BNC2: variants seen among roughly 807,000 people sequenced by gnomAD.
The protein encoded by BNC2 is basonuclin zinc finger protein 2, also known as zinc finger protein basonuclin-2.
BNC2 carries 20 observed loss-of-function variants against 76.3 expected under a neutral mutation model. That is an observed-to-expected ratio of 0.26 (90% CI 0.18 to 0.38). BNC2 has a LOEUF of 0.38. Among genes scored for constraint, BNC2 ranks in the 10% least tolerant of loss-of-function variants. BNC2 has a pLI of 1.00. For synonymous variants in BNC2, 582 were observed against 514.8 expected (o/e 1.13, Z -1.77); for missense variants, 1,382 against 1,399.8 (o/e 0.99, Z 0.20).
Position 16,624,659 on chromosome 9 carries a change from C to T in BNC2, c.331-41574G>A, listed in dbSNP as rs187458507. Among the ~76,000 whole-genome samples the T allele has an allele frequency of 2.2e-3, 336 of 152,218 alleles. 2 individuals are homozygous for T. The highest frequency in any genetic ancestry group is 7.7e-3 in the African/African-American group (319 of 41,522). ...TTTTCCAAGCATGGAATCAGAATAC[C>T]TCACTTGTAGAAAGTTACATCAGTG... On this transcript the variant is annotated intron_variant, in intron 3 of 6. Coordinates refer to ENST00000380672, the MANE Select transcript of BNC2 (RefSeq NM_017637.6).
In BNC2 at chr9:16,436,326, G is replaced by C; in HGVS notation, c.1868C>G (p.Pro623Arg). The C allele has an allele frequency of 6.2e-7, 1 of 1,614,108 alleles. No individual in the cohort carries two copies. The highest frequency in any genetic ancestry group is 8.5e-7 in the Non-Finnish European group (1 of 1,180,032). ...VPAVMMATHE[P>R]SADLAPKKKP... The stretch of plus-strand genomic sequence containing the variant: ...TTTCTTGGGTGCCAGGTCAGCACTG[G>C]GCTCATGGGTGGCCATCATCACTGC... Residue 623 changes from proline to arginine, a missense_variant, in exon 6 of 7, where the codon CCC (proline) becomes CGC (arginine). Physicochemically the swap from Pro to Arg is moderately radical, Grantham distance 103. Around this residue, in one of 3 missense-constraint regions of BNC2, gnomAD observed 798 missense variants for 775.5 expected, o/e 1.03. Transcript: ENST00000380672.
chr9:16,539,768 A>AGAAAGGAAAGGAAAG (rs762781150), intron 5 of BNC2, among the ~76,000 whole-genome samples: 122 of 58,910 alleles, frequency 2.1e-3, no homozygotes, highest in Admixed American at 5.0e-3. Flanking sequence ...GGAAAGGAAA[A>AGAAAGGAAAGGAAAG]GAAAGGAAAG....
chr9:16,431,577 G>T (rs958832422), intron 6 of BNC2: 4 of 340,904 alleles, frequency 1.2e-5, no homozygotes, highest in Non-Finnish European at 1.9e-5. Context: ...ACAGATCAAG[G>T]GATAAACAAG....
rs558604196 is a variant in BNC2, at chr9:16,845,595, C to A, written c.3+25051G>T. Among the ~76,000 whole-genome samples the A allele has an allele frequency of 1.1e-4, 16 of 152,106 alleles. No individual in the cohort carries two copies. In the South Asian group the frequency reaches 3.1e-3, roughly 30 times the overall value. ...AATTAGCCGGGTGTAGCGGCGTGGG[C>A]CTGTAGTCCCAGCTACTTGGGAGGC... On this transcript the variant is annotated intron_variant, in intron 1 of 6. Coordinates refer to ENST00000380672, the MANE Select transcript of BNC2 (RefSeq NM_017637.6).
At chr9:16,852,225 C>A (rs1202249698) in intron 1 of BNC2, among the ~76,000 whole-genome samples, 2 of 152,136 alleles carry the variant, frequency 1.3e-5, no homozygotes, top group African/African-American at 4.8e-5. Flanking sequence ...ATATCATGCA[C>A]ACTATAAAAC....
intron 3 of BNC2, among the ~76,000 whole-genome samples, chr9:16,604,915 T>C (rs1820340487): frequency 6.6e-6 from 1 of 152,186 alleles, no homozygotes; most frequent in Non-Finnish European, 1.5e-5. Context: ...TACTTGTGGG[T>C]GTCAGTCTGT....
intron 3 of BNC2, among the ~76,000 whole-genome samples, chr9:16,622,215 A>T (rs1359438941): frequency 2.6e-5 from 4 of 152,144 alleles, no homozygotes; most frequent in Admixed American, 2.6e-4. Context: ...AAACTCCATG[A>T]TTCATTTTCA....
chr9:16,473,615 G>A (rs185706367), intron 5 of BNC2, among the ~76,000 whole-genome samples: 8 of 152,222 alleles, frequency 5.3e-5, no homozygotes, highest in South Asian at 2.1e-4. Flanking sequence ...TGGCTCATGC[G>A]TAATCCCAGC....
chr9:16,442,673 C>A (rs1318701914), intron 5 of BNC2, among the ~76,000 whole-genome samples: 1 of 152,156 alleles, frequency 6.6e-6, no homozygotes, highest in Non-Finnish European at 1.5e-5. Context: ...AGGAGCCCAC[C>A]TGTGTTCATG....
At chr9:16,730,743 C>T (rs1382967197) in intron 2 of BNC2, among the ~76,000 whole-genome samples, 4 of 152,048 alleles carry the variant, frequency 2.6e-5, no homozygotes, top group Non-Finnish European at 5.9e-5. Flanking sequence ...TGCCACAACA[C>T]GAGCCTTAAA....
intron 3 of BNC2, among the ~76,000 whole-genome samples, chr9:16,607,376 G>A (rs965857299): frequency 6.6e-6 from 1 of 152,076 alleles, no homozygotes; most frequent in African/African-American, 2.4e-5. Context: ...CTTATGAAGT[G>A]GCATTTAAAA....
chr9:16,867,951 G>C (rs1189893904), intron 1 of BNC2: 2 of 152,020 alleles, frequency 1.3e-5, no homozygotes, highest in Non-Finnish European at 2.9e-5. Context: ...CACACTACCT[G>C]TCCGTGGGCT....
At chr9:16,437,735 A>T (rs1821048616) in intron 5 of BNC2, among the ~76,000 whole-genome samples, 1 of 152,250 alleles carries the variant, frequency 6.6e-6, no homozygotes, top group Non-Finnish European at 1.5e-5. Context: ...TTAGAGAAAC[A>T]GATTGAGTTT....
intron 3 of BNC2, among the ~76,000 whole-genome samples, chr9:16,617,514 C>T (rs945344928): frequency 5.3e-5 from 7 of 131,790 alleles, no homozygotes; most frequent in Non-Finnish European, 1.1e-4. Flanking sequence ...CCAAATTTTA[C>T]GTACAGATGG....
At chr9:16,781,148 T>C (rs1308705238) in intron 1 of BNC2, among the ~76,000 whole-genome samples, 1 of 152,012 alleles carries the variant, frequency 6.6e-6, no homozygotes, top group Non-Finnish European at 1.5e-5. Flanking sequence ...TACCCTTCAG[T>C]TTTGTGTCCA....
At chr9:16,746,377 T>G (rs1297875056) in intron 1 of BNC2, among the ~76,000 whole-genome samples, 5 of 152,010 alleles carry the variant, frequency 3.3e-5, no homozygotes, top group African/African-American at 1.2e-4. Context: ...GTTTGTTTGC[T>G]TTTTGAGACA....
intron 5 of BNC2, among the ~76,000 whole-genome samples, chr9:16,510,905 A>G (rs189012044): frequency 3.9e-5 from 6 of 152,148 alleles, no homozygotes; most frequent in Non-Finnish European, 7.3e-5. Context: ...AAAATATTAC[A>G]TTTCCTTCCA....
intron 5 of BNC2, among the ~76,000 whole-genome samples, chr9:16,451,870 G>C (rs79367903): frequency 0.029 from 4,473 of 152,236 alleles, 183 homozygotes; most frequent in East Asian, 0.11. Flanking sequence ...AATGCTCACA[G>C]AGTTTATAAA....
intron 3 of BNC2, among the ~76,000 whole-genome samples, chr9:16,704,218 T>G (rs2383004): frequency 2.0e-5 from 3 of 151,962 alleles, no homozygotes; most frequent in Non-Finnish European, 4.4e-5. Context: ...TTATATGTAA[T>G]GCACACGATT....
Sources: gnomAD v4.1 joint callset for allele counts (sites outside exome capture counted in the v4.1 genomes callset) on GRCh38, gnomAD v4.1.1 for gene constraint, gnomAD v4.1.1 regional missense constraint, MANE v1.5 for transcripts, NCBI Gene and HGNC (gene_info 2026-07-23, HGNC 2026-07-21) for gene names.